The following RBBP6 variants were observed in gnomAD, a reference collection of about 807,000 sequenced individuals.
The protein encoded by RBBP6 is E3 ubiquitin-protein ligase RBBP6.
A neutral mutation model predicts 167.7 loss-of-function variants in RBBP6; 25 were observed. That is an observed-to-expected ratio of 0.15 (90% CI 0.11 to 0.21). The LOEUF is 0.21. Ranked by LOEUF, RBBP6 falls within the 10% of genes least tolerant of loss-of-function variation. RBBP6 has a pLI of 1.00. For synonymous variants in RBBP6, 789 were observed against 735.8 expected (o/e 1.07, Z -1.17); for missense variants, 1,868 against 2,134.2 (o/e 0.88, Z 2.46).
Position 24,540,497 on chromosome 16 carries a change from C to T in RBBP6, c.-130C>T, listed in dbSNP as rs1199313509. On this transcript the variant is annotated 5_prime_UTR_variant, in exon 1 of 18. Transcript: ENST00000319715. ...TGCTTGTGGTTGGGGGGTATTTAAT[C>T]TGAGGCCTTAGGGTCCTTCGGTGTC... The T allele has an allele frequency of 1.1e-6, 1 of 882,118 alleles. No individual in the cohort carries two copies. Among genetic ancestry groups the T allele is most frequent in the African/African-American group, 1.7e-5 (1 of 58,938 alleles). The allele number at this position is 882,118 out of a possible 1,614,324, so 54.6% of individuals were successfully genotyped here. A position where few individuals can be genotyped will look rare whatever the true frequency, so the allele number is the denominator to read the frequency against.
At chr16:24,553,391 T>A in intron 3 of RBBP6, 122 bp from the exon 4 acceptor site, 2 of 719,046 alleles carry the variant, frequency 2.8e-6, no homozygotes, top group Non-Finnish European at 4.7e-6. Context: ...AAGCTTAACA[T>A]TCTTTAGAAA....
chr16:24,559,131 T>TA (rs759803888), intron 7 of RBBP6, among the ~76,000 whole-genome samples: 2 of 152,270 alleles, frequency 1.3e-5, no homozygotes, highest in South Asian at 4.1e-4. Flanking sequence ...AGAAACTTGA[T>TA]AGAGTAGGAA....
In RBBP6 at chr16:24,561,896, C is replaced by T. The variant is rs144312614; in HGVS notation, c.1024C>T (p.Pro342Ser). 186 of 1,614,086 alleles carry T rather than the reference C, an allele frequency of 1.2e-4. No homozygotes were observed. The African/African-American group carries it at 2.3e-3, about 20-fold the overall frequency. The change falls in exon 10 of 18, where the codon CCA becomes TCA. Residue 342 changes from proline (P) to serine (S), a missense_variant. Transcript: ENST00000319715. ...AAAACAGTTACCTCCTCCACCACCC[C>T]CAATACCACCTCCGAGACCACTGAT... ...LRKQLPPPPP[P>S]IPPPRPLIQR...
Position 24,564,792 on chromosome 16 carries a change from C to T in RBBP6, c.1521-5C>T, listed in dbSNP as rs1899153865. The T allele has an allele frequency of 3.7e-6, 6 of 1,611,654 alleles. No homozygotes were observed. Among genetic ancestry groups the T allele is most frequent in the Non-Finnish European group, 5.1e-6 (6 of 1,178,592 alleles). On this transcript the variant is annotated splice_polypyrimidine_tract_variant and splice_region_variant and intron_variant, in intron 13 of 17. Coordinates refer to ENST00000319715, the MANE Select transcript of RBBP6 (RefSeq NM_006910.5). ...CTTGAGCCTATTTTTTTTTCTCCCA[C>T]ACAGTTCCAACAAACTTGGCTATCT...
intron 16 of RBBP6, 40 bp from the exon 17 acceptor site, chr16:24,568,705 T>G: frequency 1.3e-6 from 2 of 1,558,874 alleles, no homozygotes; most frequent in Non-Finnish European, 1.7e-6. Flanking sequence ...ATTTTGTATG[T>G]ATTTCTCAAC....
At position 24,569,454 on chromosome 16, in the gene RBBP6, G is replaced by A; in HGVS notation, c.2764G>A (p.Glu922Lys). ...DNTKSKEKES[E>K]NAPGDGKGNK... ...TACAAAGTCAAAAGAGAAGGAGAGT[G>A]AAAACGCTCCAGGAGATGGTAAAGG... Residue 922 changes from glutamate (E) to lysine (K), a missense_variant, in exon 17 of 18, where the codon GAA (glutamate) becomes AAA (lysine). By Grantham distance (56) the Glu-to-Lys change is moderately conservative. Coordinates refer to ENST00000319715, the MANE Select transcript of RBBP6 (RefSeq NM_006910.5). The A allele has an allele frequency of 6.2e-7, 1 of 1,612,788 alleles. No homozygotes were observed. Among genetic ancestry groups the A allele is most frequent in the Non-Finnish European group, 8.5e-7 (1 of 1,179,744 alleles).
chr16:24,558,589 A>G (rs926062234), intron 7 of RBBP6: 2 of 771,624 alleles, frequency 2.6e-6, no homozygotes, highest in African/African-American at 1.9e-5. Flanking sequence ...AGATAAACAC[A>G]CTCTGTTCCT....
At chr16:24,552,653 T>C (rs1396389267) in intron 3 of RBBP6, among the ~76,000 whole-genome samples, 5 of 151,954 alleles carry the variant, frequency 3.3e-5, no homozygotes, top group Admixed American at 6.5e-5. Context: ...GAACAGTTTA[T>C]GAAGGTGGCT....
intron 8 of RBBP6, among the ~76,000 whole-genome samples, chr16:24,560,655 T>C (rs1276571050): frequency 6.6e-6 from 1 of 152,198 alleles, no homozygotes; most frequent in Admixed American, 6.5e-5. Flanking sequence ...ATCATAAATA[T>C]TTGGGGGCAA....
At chr16:24,565,713 T>C (rs1457713657) in intron 14 of RBBP6, among the ~76,000 whole-genome samples, 1 of 152,132 alleles carries the variant, frequency 6.6e-6, no homozygotes, top group African/African-American at 2.4e-5. Context: ...CCAAAACGGT[T>C]GAGAACTGCT....
At chr16:24,563,073 A>G (rs1899105201) in intron 10 of RBBP6, 126 bp from the exon 11 acceptor site, 3 of 659,864 alleles carry the variant, frequency 4.5e-6, no homozygotes, top group African/African-American at 1.9e-5. Flanking sequence ...TTTCCTCAGA[A>G]GTATTCATCA....
At chr16:24,563,106 C>A in intron 10 of RBBP6, 93 bp from the exon 11 acceptor site, 1 of 902,332 alleles carries the variant, frequency 1.1e-6, no homozygotes, top group Non-Finnish European at 1.7e-6. Flanking sequence ...CTCATCTTAA[C>A]TGCAGGTGAT....
chr16:24,547,009 C>T (rs1452009449), intron 2 of RBBP6, among the ~76,000 whole-genome samples: 1 of 152,190 alleles, frequency 6.6e-6, no homozygotes, highest in Non-Finnish European at 1.5e-5. Context: ...TCTCTGCTTT[C>T]TTGCAATTTC....
At chr16:24,560,760 C>T (rs1899031582) in intron 8 of RBBP6, among the ~76,000 whole-genome samples, 1 of 152,134 alleles carries the variant, frequency 6.6e-6, no homozygotes, top group African/African-American at 2.4e-5. Flanking sequence ...GCAGGTATTA[C>T]AAGCAATCTA....
intron 15 of RBBP6, 88 bp from the exon 16 acceptor site, chr16:24,567,704 C>A: frequency 7.7e-7 from 1 of 1,302,398 alleles, no homozygotes; most frequent in Non-Finnish European, 1.1e-6. Context: ...CAATTTCATT[C>A]ATTTCATTCA....
intron 1 of RBBP6, among the ~76,000 whole-genome samples, chr16:24,542,876 G>A (rs921905049): frequency 3.3e-5 from 5 of 152,084 alleles, no homozygotes; most frequent in Admixed American, 1.3e-4. Context: ...TTCAAACCCA[G>A]AAAGCCAGGA....
At position 24,572,169 on chromosome 16, in the gene RBBP6, C is replaced by A; in HGVS notation, c.5103C>A (p.Ser1701Arg). Residue 1701 changes from serine to arginine, a missense_variant, in exon 18 of 18, where the codon AGC (serine) becomes AGA (arginine). Coordinates refer to ENST00000319715, the MANE Select transcript of RBBP6 (RefSeq NM_006910.5). ...QSHSSPSVSPSRSHSPSGSQT... is the reference protein window; with the variant it reads ...QSHSSPSVSPRRSHSPSGSQT... ...ACAGCAGCCCCAGCGTCAGCCCCAG[C>A]AGAAGCCACAGTCCTTCTGGAAGCC... 6.2e-7 allele frequency: 1 copy of A among 1,614,126 alleles called. No individual in the cohort carries two copies. The highest frequency in any genetic ancestry group is 1.1e-5 in the South Asian group (1 of 91,080).
Position 24,564,899 on chromosome 16 carries a change from C to T in RBBP6, c.1589+34C>T, listed in dbSNP as rs188016095. 8.2e-6 allele frequency: 13 copies of T among 1,585,018 alleles called. No individual in the cohort carries two copies. In the Admixed American group the frequency reaches 8.8e-5, roughly 11 times the overall value. ...GCTAAAAATCTTGGAAAATAATCAT[C>T]TTATTTTTTATATATATATCTCACC... On this transcript the variant is annotated intron_variant, in intron 14 of 17. Coordinates refer to ENST00000319715, the MANE Select transcript of RBBP6 (RefSeq NM_006910.5).
At position 24,571,687 on chromosome 16, in the gene RBBP6, A is replaced by C; in HGVS notation, c.4621A>C (p.Lys1541Gln). ...TAATTCTAGTCCCTCAAGAGACAGA[A>C]AACCTCATGATCACAAAGCCACTTA... Reference protein sequence around the residue: ...KSNSSPSRDRKPHDHKATYDT... With the variant: ...KSNSSPSRDRQPHDHKATYDT... Residue 1541 changes from lysine (K) to glutamine (Q), a missense_variant, in exon 18 of 18, where the codon AAA becomes CAA. Transcript: ENST00000319715. 6.2e-7 allele frequency: 1 copy of C among 1,614,178 alleles called. No homozygotes were observed. Among genetic ancestry groups the C allele is most frequent in the South Asian group, 1.1e-5 (1 of 91,078 alleles).
Sources: gnomAD v4.1 joint callset for allele counts (sites outside exome capture counted in the v4.1 genomes callset) on GRCh38, gnomAD v4.1.1 for gene constraint, MANE v1.5 for transcripts, NCBI Gene and HGNC (gene_info 2026-07-23, HGNC 2026-07-21) for gene names.